MSRA: variants seen among roughly 807,000 people sequenced by gnomAD.
MSRA encodes the protein mitochondrial peptide methionine sulfoxide reductase.
In MSRA, 54 loss-of-function variants were observed where a neutral mutation model predicts 31.3. The observed-to-expected ratio is 1.73, with a 90% CI of 1.39 to 2.17. The LOEUF is 2.17. MSRA is among the 30% of genes most tolerant of loss of function. The pLI, the probability that MSRA is intolerant of heterozygous loss-of-function variation, is 0.00. For synonymous variants in MSRA, 169 were observed against 116.5 expected (o/e 1.45, Z -2.90); for missense variants, 507 against 300.9 (o/e 1.69, Z -5.07).
chr8:10,149,777 A>G (rs1195465719), intron 1 of MSRA, among the ~76,000 whole-genome samples: 4 of 150,582 alleles, frequency 2.7e-5, no homozygotes, highest in Non-Finnish European at 5.9e-5. Context: ...AGAAACCACA[A>G]AGGTGGTATG....
At chr8:10,195,117 G>A (rs1283492544) in intron 1 of MSRA, among the ~76,000 whole-genome samples, 2 of 152,168 alleles carry the variant, frequency 1.3e-5, no homozygotes, top group Non-Finnish European at 2.9e-5. Context: ...ATTATTTTAT[G>A]CAAACTGTTA....
At chr8:10,254,225 T>C (rs2129088344) in intron 3 of MSRA, among the ~76,000 whole-genome samples, 2 of 152,332 alleles carry the variant, frequency 1.3e-5, no homozygotes, top group South Asian at 4.2e-4. Flanking sequence ...CGTCTCTGAC[T>C]GGAGCGTTCT....
chr8:10,281,997 G>C (rs534084913), intron 3 of MSRA, among the ~76,000 whole-genome samples: 2 of 152,270 alleles, frequency 1.3e-5, no homozygotes, highest in East Asian at 3.9e-4. Flanking sequence ...GAGGGTTATA[G>C]TTTTGTGTAA....
intron 3 of MSRA, among the ~76,000 whole-genome samples, chr8:10,246,179 G>C (rs1239034345): frequency 6.6e-6 from 1 of 152,202 alleles, no homozygotes; most frequent in African/African-American, 2.4e-5. Flanking sequence ...TCATGCTACA[G>C]TTACAAGAGT....
intron 5 of MSRA, among the ~76,000 whole-genome samples, chr8:10,374,278 C>T (rs1422952074): frequency 6.6e-6 from 1 of 152,152 alleles, no homozygotes; most frequent in Non-Finnish European, 1.5e-5. Context: ...GAGGAGAAAA[C>T]TGTGATTCTC....
chr8:10,196,824 G>A (rs1207694159), intron 1 of MSRA, among the ~76,000 whole-genome samples: 1 of 151,756 alleles, frequency 6.6e-6, no homozygotes, highest in Non-Finnish European at 1.5e-5. Context: ...CGTCCACCTC[G>A]GCCTCCCAAA....
In MSRA at chr8:10,154,211, C is replaced by T. The variant is rs558554515; in HGVS notation, c.143-53622C>T. 8.5e-5 allele frequency among the ~76,000 whole-genome samples: 13 copies of T among 152,272 alleles called. No individual in the cohort carries two copies. The East Asian group carries it at 1.3e-3, about 16-fold the overall frequency. ...AGTCACTGAATCTGTGTGGTGGACA[C>T]GCGTGCTTGAAAACCTTGCGGAAGA... On this transcript the variant is annotated intron_variant, in intron 1 of 5. Coordinates refer to ENST00000317173, the MANE Select transcript of MSRA (RefSeq NM_012331.5).
chr8:10,166,344 TTG>T (rs1445462315), intron 1 of MSRA, among the ~76,000 whole-genome samples: 2 of 152,114 alleles, frequency 1.3e-5, no homozygotes. Context: ...ATGTGTGTTT[TTG>T]TGTTTGCATA....
intron 4 of MSRA, among the ~76,000 whole-genome samples, chr8:10,310,537 G>A (rs950722526): frequency 6.6e-6 from 1 of 152,184 alleles, no homozygotes. Flanking sequence ...TTTGGTGTCT[G>A]CACTCTGAGT....
intron 5 of MSRA, among the ~76,000 whole-genome samples, chr8:10,366,992 T>C (rs1157821389): frequency 6.6e-6 from 1 of 152,208 alleles, no homozygotes; most frequent in Non-Finnish European, 1.5e-5. Context: ...CTTTCTGTGG[T>C]TTCAGTTACC....
At chr8:10,378,047 G>C (rs1563411681) in intron 5 of MSRA, among the ~76,000 whole-genome samples, 1 of 152,242 alleles carries the variant, frequency 6.6e-6, no homozygotes, top group South Asian at 2.1e-4. Context: ...GGCCAGGCCA[G>C]CAGATGTCTT....
intron 1 of MSRA, among the ~76,000 whole-genome samples, chr8:10,121,223 A>G (rs1801081681): frequency 6.6e-6 from 1 of 152,162 alleles, no homozygotes; most frequent in South Asian, 2.1e-4. Context: ...AGGAATGAGC[A>G]GTGAAATGAT....
chr8:10,428,253 A>G lies in MSRA; in HGVS notation c.649A>G (p.Asn217Asp), dbSNP rs202057562. The G allele has an allele frequency of 6.2e-7, 1 of 1,614,030 alleles. No individual in the cohort carries two copies. The highest frequency in any genetic ancestry group is 1.1e-5 in the South Asian group (1 of 91,078). The change falls in exon 6 of 6, where the codon AAT becomes GAT. Residue 217 changes from asparagine to aspartate, a missense_variant. Physicochemically the swap from Asn to Asp is conservative, Grantham distance 23 (BLOSUM62 1). Transcript: ENST00000317173. The stretch of plus-strand genomic sequence containing the variant: ...CCAGCAGTACCTGAGCAAGAACCCC[A>G]ATGGCTACTGCGGCCTTGGGGGCAC... ...YHQQYLSKNP[N>D]GYCGLGGTGV...
chr8:10,293,791 G>C (rs1563318859), intron 3 of MSRA, among the ~76,000 whole-genome samples: 1 of 151,810 alleles, frequency 6.6e-6, no homozygotes. Flanking sequence ...GGGCTCCTGT[G>C]AGTCTCCTGA....
intron 2 of MSRA, among the ~76,000 whole-genome samples, chr8:10,232,594 A>G (rs1356987091): frequency 1.3e-5 from 2 of 152,188 alleles, no homozygotes; most frequent in African/African-American, 4.8e-5. Context: ...TTGCAGTGTC[A>G]ATGTGTTTGG....
chr8:10,368,189 C>T (rs373551447), intron 5 of MSRA, among the ~76,000 whole-genome samples: 1 of 152,202 alleles, frequency 6.6e-6, no homozygotes, highest in African/African-American at 2.4e-5. Context: ...ACTCTGACTA[C>T]AAATTTGGTT....
At chr8:10,347,795 C>A (rs1321065003) in intron 5 of MSRA, among the ~76,000 whole-genome samples, 1 of 152,224 alleles carries the variant, frequency 6.6e-6, no homozygotes, top group Non-Finnish European at 1.5e-5. Context: ...TCCCGTTACC[C>A]TAGTTGTTTC....
At chr8:10,074,058 CTTT>C (rs534642712) in intron 1 of MSRA, among the ~76,000 whole-genome samples, 1 of 29,456 alleles carries the variant, frequency 3.4e-5, no homozygotes, top group African/African-American at 1.2e-4. Context: ...AAGGGAGGTG[CTTT>C]TTTTTTTTTT....
At chr8:10,148,945 T>C (rs983086135) in intron 1 of MSRA, among the ~76,000 whole-genome samples, 1 of 137,378 alleles carries the variant, frequency 7.3e-6, no homozygotes, top group Non-Finnish European at 1.5e-5. Flanking sequence ...CGATTGTGTG[T>C]GTCGCTGGTA....
Sources: gnomAD v4.1 joint callset for allele counts (sites outside exome capture counted in the v4.1 genomes callset) on GRCh38, gnomAD v4.1.1 for gene constraint, MANE v1.5 for transcripts, NCBI Gene and HGNC (gene_info 2026-07-23, HGNC 2026-07-21) for gene names.